The following ARHGAP29 variants were observed in gnomAD, a reference collection of about 807,000 sequenced individuals.
ARHGAP29 encodes the protein rho GTPase-activating protein 29.
Under a neutral mutation model 122.6 loss-of-function variants are expected in ARHGAP29, and 43 were observed. The observed-to-expected ratio is 0.35, with a 90% CI of 0.27 to 0.45. The LOEUF (loss-of-function observed/expected upper bound fraction) is 0.45. Ranked by LOEUF, ARHGAP29 falls within the 20% of genes least tolerant of loss-of-function variation. The pLI, the probability that ARHGAP29 is intolerant of heterozygous loss-of-function variation, is 1.00. For missense variants in ARHGAP29, 1,303 were observed against 1,477.2 expected (o/e 0.88, Z 1.93); for synonymous variants, 506 against 497.1 (o/e 1.02, Z -0.24).
At chr1:94,277,115 A>G (rs1655220416), upstream of ARHGAP29, among the ~76,000 whole-genome samples, 1 of 152,206 alleles carries the variant, frequency 6.6e-6, no homozygotes, top group Admixed American at 6.5e-5. Flanking sequence ...CCCAAATAGT[A>G]CATTGGCTGT....
At chr1:94,226,670 C>T (rs1282135629) in intron 2 of ARHGAP29, among the ~76,000 whole-genome samples, 1 of 151,512 alleles carries the variant, frequency 6.6e-6, no homozygotes, top group Non-Finnish European at 1.5e-5. Flanking sequence ...TCTAGGCAAA[C>T]GCAGAAGAGG....
intron 12 of ARHGAP29, among the ~76,000 whole-genome samples, chr1:94,197,721 T>C (rs1650563028): frequency 6.6e-6 from 1 of 152,186 alleles, no homozygotes; most frequent in Non-Finnish European, 1.5e-5. Context: ...ATTAACGTAA[T>C]GCACCATATT....
In ARHGAP29 at chr1:94,269,891, C is replaced by T. The variant is rs115197106; in HGVS notation, c.-33+5121G>A. ...GTTGAAGCTCCGTTTACTGGGGGGT[C>T]TGCTGGGCCCATGAATCCAGATAGA... On this transcript the variant is annotated intron_variant and NMD_transcript_variant, in intron 1 of 25. Coordinates refer to the ARHGAP29 transcript ENST00000552844. 4.3e-3 allele frequency among the ~76,000 whole-genome samples: 661 copies of T among 152,196 alleles called. 8 individuals carry two copies. The highest frequency in any genetic ancestry group is 0.016 in the African/African-American group (646 of 41,524).
intron 17 of ARHGAP29, 68 bp downstream of exon 17, chr1:94,185,274 A>G: frequency 1.4e-6 from 2 of 1,477,306 alleles, no homozygotes; most frequent in Non-Finnish European, 1.8e-6. Context: ...CTAAAAAGTA[A>G]AATTAAAAAC....
intron 1 of ARHGAP29, among the ~76,000 whole-genome samples, chr1:94,269,084 A>C (rs996371964): frequency 2.6e-5 from 4 of 152,188 alleles, no homozygotes; most frequent in Admixed American, 1.3e-4. Flanking sequence ...TTATTTCTAA[A>C]GAAATAGCTA....
chr1:94,181,921 T>G (rs1220481303), intron 19 of ARHGAP29, among the ~76,000 whole-genome samples: 1 of 152,184 alleles, frequency 6.6e-6, no homozygotes, highest in Non-Finnish European at 1.5e-5. Context: ...TAAAATTATT[T>G]CATTAATAAT....
At chr1:94,215,855 C>G (rs1187297803) in intron 3 of ARHGAP29, among the ~76,000 whole-genome samples, 1 of 151,992 alleles carries the variant, frequency 6.6e-6, no homozygotes, top group Non-Finnish European at 1.5e-5. Flanking sequence ...TTCTACAAAT[C>G]AATACTAAAA....
intron 1 of ARHGAP29, among the ~76,000 whole-genome samples, chr1:94,234,011 G>A (rs1308618537): frequency 6.6e-6 from 1 of 152,068 alleles, no homozygotes; most frequent in Non-Finnish European, 1.5e-5. Flanking sequence ...TCAGCTCAAA[G>A]CTTACCTCCT....
intron 5 of ARHGAP29, among the ~76,000 whole-genome samples, chr1:94,206,741 C>T (rs969870849): frequency 6.6e-6 from 1 of 151,596 alleles, no homozygotes; most frequent in African/African-American, 2.4e-5. Context: ...TACTAAAATA[C>T]AAAAATTAGC....
chr1:94,184,661 G>A (rs1412118608), intron 18 of ARHGAP29, among the ~76,000 whole-genome samples: 1 of 151,910 alleles, frequency 6.6e-6, no homozygotes, highest in Non-Finnish European at 1.5e-5. Context: ...GGCTGAAGTG[G>A]GAGGGTTGCT....
At chr1:94,275,197 T>C (rs1206671872), upstream of ARHGAP29, 3 of 152,220 alleles carry the variant, frequency 2.0e-5, no homozygotes, top group Non-Finnish European at 2.9e-5. Flanking sequence ...GTGTCTGGTG[T>C]GCATGAACCA....
Position 94,201,640 on chromosome 1 carries a change from T to C in ARHGAP29, c.1281+80A>G. 1.9e-6 allele frequency: 3 copies of C among 1,556,750 alleles called. No individual in the cohort carries two copies. The South Asian group carries it at 3.5e-5, about 18-fold the overall frequency. On this transcript the variant is annotated intron_variant, in intron 12 of 22. Transcript: ENST00000260526. The stretch of plus-strand genomic sequence containing the variant: ...CTCCCACCTCAGCCTCCCAAAGTGC[T>C]GGGATTACAGGTGTGAGCCACCATG...
chr1:94,262,244 AC>A (rs1363022280), intron 1 of ARHGAP29, among the ~76,000 whole-genome samples: 1 of 152,328 alleles, frequency 6.6e-6, no homozygotes, highest in African/African-American at 2.4e-5. Context: ...TATACCATAT[AC>A]AAAAATCAAC....
chr1:94,183,063 G>A (rs1649577693), intron 19 of ARHGAP29, among the ~76,000 whole-genome samples: 1 of 152,164 alleles, frequency 6.6e-6, no homozygotes, highest in Admixed American at 6.5e-5. Context: ...GGAGGGTAAT[G>A]AATGTTCCCA....
At chr1:94,184,814 A>G in intron 18 of ARHGAP29, 58 bp downstream of exon 18, 3 of 1,354,322 alleles carry the variant, frequency 2.2e-6, no homozygotes, top group Non-Finnish European at 2.0e-6. Context: ...TCTCCTTTTC[A>G]TTAGAATAGG....
At chr1:94,221,644 TATAC>T (rs1373774866) in intron 2 of ARHGAP29, among the ~76,000 whole-genome samples, 1 of 150,846 alleles carries the variant, frequency 6.6e-6, no homozygotes, top group African/African-American at 2.4e-5. Context: ...TATGTACATA[TATAC>T]ATACAAATGT....
At chr1:94,259,379 C>T (rs972559695) in intron 1 of ARHGAP29, among the ~76,000 whole-genome samples, 1 of 152,176 alleles carries the variant, frequency 6.6e-6, no homozygotes, top group African/African-American at 2.4e-5. Flanking sequence ...AAAGATTGGA[C>T]ATGTTGTAGT....
At chr1:94,180,108 A>C (rs1649364151) in intron 19 of ARHGAP29, 151 bp from the exon 20 acceptor site, 1 of 608,834 alleles carries the variant, frequency 1.6e-6, no homozygotes, top group Non-Finnish European at 2.8e-6. Flanking sequence ...TGTTTGCTAC[A>C]GATGTGGTCT....
At chr1:94,285,988 G>A in the ARHGAP29 span, among the ~76,000 whole-genome samples, 1 of 152,114 alleles carries the variant, frequency 6.6e-6, no homozygotes, top group Non-Finnish European at 1.5e-5. Context: ...ACTTGTTCTA[G>A]GAGACAGCAA....
Sources: gnomAD v4.1 joint callset for allele counts (sites outside exome capture counted in the v4.1 genomes callset) on GRCh38, gnomAD v4.1.1 for gene constraint, MANE v1.5 for transcripts, NCBI Gene and HGNC (gene_info 2026-07-23, HGNC 2026-07-21) for gene names.